The following PPFIBP2 variants were observed in gnomAD, a reference collection of about 807,000 sequenced individuals.
PPFIBP2 encodes the protein PPFIB scaffold protein 2.
PPFIBP2 carries 118 observed loss-of-function variants against 118.3 expected under a neutral mutation model. The observed-to-expected ratio is 1.00, with a 90% CI of 0.86 to 1.16. The LOEUF (loss-of-function observed/expected upper bound fraction) is 1.16, where lower values mean the gene tolerates loss of function less well. Ranked by LOEUF, PPFIBP2 falls within the 50% of genes most tolerant of loss-of-function variation. The pLI is 0.00. For synonymous variants in PPFIBP2, 414 were observed against 397.4 expected (o/e 1.04, Z -0.50); for missense variants, 1,195 against 1,073.1 (o/e 1.11, Z -1.59).
chr11:7,572,644 T>C (rs73411130), intron 3 of PPFIBP2, among the ~76,000 whole-genome samples: 8,909 of 152,178 alleles, frequency 0.059, 839 homozygotes, highest in African/African-American at 0.2. Flanking sequence ...CAAAAGAAAA[T>C]CCTGCCAGAG....
At chr11:7,539,200 G>A (rs1038773645) in intron 1 of PPFIBP2, 2 of 152,420 alleles carry the variant, frequency 1.3e-5, no homozygotes, top group African/African-American at 4.8e-5. Flanking sequence ...TGATAGCAAC[G>A]TTCTCAGCAG....
chr11:7,580,565 A>C (rs1857119790), intron 3 of PPFIBP2, among the ~76,000 whole-genome samples: 1 of 152,162 alleles, frequency 6.6e-6, no homozygotes, highest in African/African-American at 2.4e-5. Flanking sequence ...TGCTCAGAAA[A>C]GAAATCTTGC....
intron 23 of PPFIBP2, among the ~76,000 whole-genome samples, 197 bp from the exon 24 acceptor site, chr11:7,652,827 C>T (rs1369988507): frequency 1.3e-5 from 2 of 152,144 alleles, no homozygotes; most frequent in Non-Finnish European, 2.9e-5. Flanking sequence ...TCTTATTGTT[C>T]AAGATTATTT....
chr11:7,640,997 C>T (rs1852104351), intron 15 of PPFIBP2: 2 of 1,255,844 alleles, frequency 1.6e-6, no homozygotes, highest in Admixed American at 2.3e-5. Flanking sequence ...TCTCTTGTTT[C>T]TTCATGTGGC....
At chr11:7,630,091 C>T (rs909625597) in intron 10 of PPFIBP2, among the ~76,000 whole-genome samples, 1 of 152,226 alleles carries the variant, frequency 6.6e-6, no homozygotes, top group African/African-American at 2.4e-5. Context: ...CATAGTGGTG[C>T]ATGTGCCGGG....
chr11:7,577,332 T>TGTGTGTGCGTGTGTGTGTGC, intron 3 of PPFIBP2: 1 of 243,442 alleles, frequency 4.1e-6, no homozygotes, highest in African/African-American at 2.6e-5. Context: ...TGTGTGTGTG[T>TGTGTGTGCGTGTGTGTGTGC]GTGTGTGTGT....
chr11:7,552,151 T>A (rs72849056), intron 2 of PPFIBP2, among the ~76,000 whole-genome samples: 1 of 152,224 alleles, frequency 6.6e-6, no homozygotes, highest in Non-Finnish European at 1.5e-5. Context: ...GTAGCCAGAC[T>A]ACTTGTTTGA....
chr11:7,613,933 C>T (rs1172595946), intron 6 of PPFIBP2, among the ~76,000 whole-genome samples: 1 of 152,162 alleles, frequency 6.6e-6, no homozygotes, highest in African/African-American at 2.4e-5. Flanking sequence ...TTAGGATTTC[C>T]TGCAGAAAAT....
chr11:7,602,676 G>C (rs1327318679), intron 5 of PPFIBP2, among the ~76,000 whole-genome samples: 3 of 152,220 alleles, frequency 2.0e-5, no homozygotes, highest in African/African-American at 7.2e-5. Context: ...ACTGTGGGGA[G>C]CAAGTAAGGG....
chr11:7,520,713 C>G (rs1031792730), intron 1 of PPFIBP2, among the ~76,000 whole-genome samples: 3 of 152,184 alleles, frequency 2.0e-5, no homozygotes, highest in Non-Finnish European at 4.4e-5. Flanking sequence ...TAGGCTGAAA[C>G]TTTTGGCAGC....
At chr11:7,606,126 T>C in intron 5 of PPFIBP2, 1 of 1,246,096 alleles carries the variant, frequency 8.0e-7, no homozygotes, top group Non-Finnish European at 1.1e-6. Flanking sequence ...AATAGCAGGA[T>C]AGATGCAGAT....
At chr11:7,637,144 C>G (rs1851557112) in intron 14 of PPFIBP2, among the ~76,000 whole-genome samples, 1 of 152,222 alleles carries the variant, frequency 6.6e-6, no homozygotes, top group Non-Finnish European at 1.5e-5. Context: ...GTGCTCTGTT[C>G]TCTGGGCTGA....
Position 7,592,072 on chromosome 11 carries a change from C to T in PPFIBP2, c.280-1060C>T, listed in dbSNP as rs78221122. ...CCTCTAGGGTGGTAGACACCTCCCTCGTGAATATTGAAGTGCTGATTTCAC... is the reference window on the plus strand; with the variant it reads ...CCTCTAGGGTGGTAGACACCTCCCTTGTGAATATTGAAGTGCTGATTTCAC... On this transcript the variant is annotated intron_variant, in intron 3 of 23. Coordinates refer to ENST00000299492, the MANE Select transcript of PPFIBP2 (RefSeq NM_003621.5). Among the ~76,000 whole-genome samples the T allele has an allele frequency of 7.7e-3, 1,169 of 152,322 alleles. 19 individuals are homozygous for T. Among genetic ancestry groups the T allele is most frequent in the African/African-American group, 0.027 (1,104 of 41,582 alleles).
rs1169047894 is a variant in PPFIBP2, at chr11:7,634,514, T to C, written c.1156T>C (p.Cys386Arg). The C allele has an allele frequency of 6.2e-7, 1 of 1,613,102 alleles. No individual in the cohort carries two copies. Residue 386 changes from cysteine to arginine, a missense_variant, in exon 13 of 24, where the codon TGT becomes CGT. Transcript: ENST00000299492. ...TTTCAGGGCTCAGAAAAAGCTCTCTTGTAGTCTAGAAGACTTGAGAAGTGA... is the reference window on the plus strand; with the variant it reads ...TTTCAGGGCTCAGAAAAAGCTCTCTCGTAGTCTAGAAGACTTGAGAAGTGA... ...LETRAQKKLSCSLEDLRSESV... is the reference protein window; with the variant it reads ...LETRAQKKLSRSLEDLRSESV...
intron 1 of PPFIBP2, among the ~76,000 whole-genome samples, chr11:7,520,367 T>G (rs1327659708): frequency 2.0e-5 from 3 of 152,156 alleles, no homozygotes; most frequent in Non-Finnish European, 4.4e-5. Context: ...TTTGCTGTTT[T>G]GCCGACGCAC....
chr11:7,666,848 C>CTTTTGT, the PPFIBP2 span: 4 of 277,728 alleles, frequency 1.4e-5, no homozygotes, highest in South Asian at 8.9e-5. Context: ...AGGATGGCTT[C>CTTTTGT]ACTCGGAGCT....
At chr11:7,563,308 C>A (rs1854560062) in intron 2 of PPFIBP2, among the ~76,000 whole-genome samples, 1 of 152,068 alleles carries the variant, frequency 6.6e-6, no homozygotes, top group South Asian at 2.1e-4. Context: ...CTGCTTCTGT[C>A]CGTTTTCTTC....
At chr11:7,562,152 C>T (rs573930615) in intron 2 of PPFIBP2, among the ~76,000 whole-genome samples, 9 of 152,358 alleles carry the variant, frequency 5.9e-5, no homozygotes, top group Admixed American at 1.3e-4. Context: ...AGGCGTAATG[C>T]TCATTGGCCC....
chr11:7,621,100 G>T, intron 7 of PPFIBP2, 73 bp downstream of exon 7: 1 of 1,204,520 alleles, frequency 8.3e-7, no homozygotes, highest in South Asian at 1.3e-5. Context: ...CCAACTTGGG[G>T]GTTTCCAGTA....
Sources: gnomAD v4.1 joint callset for allele counts (sites outside exome capture counted in the v4.1 genomes callset) on GRCh38, gnomAD v4.1.1 for gene constraint, MANE v1.5 for transcripts, NCBI Gene and HGNC (gene_info 2026-07-23, HGNC 2026-07-21) for gene names.